Variants in EPHA6 observed in about 807,000 individuals in gnomAD.
The protein encoded by EPHA6 is ephrin type-A receptor 6.
In EPHA6, 50 loss-of-function variants were observed where a neutral mutation model predicts 112.0. That is an observed-to-expected ratio of 0.45 (90% confidence interval 0.36 to 0.56). The LOEUF (loss-of-function observed/expected upper bound fraction) is 0.56, where lower values mean the gene tolerates loss of function less well. Ranked by LOEUF, EPHA6 falls within the 20% of genes least tolerant of loss-of-function variation. EPHA6 has a pLI of 0.00. For missense variants in EPHA6, 1,280 were observed against 1,417.4 expected (o/e 0.90, Z 1.56); for synonymous variants, 529 against 490.7 (o/e 1.08, Z -1.03).
At chr3:97,375,701 A>G (rs529186000) in intron 5 of EPHA6, among the ~76,000 whole-genome samples, 109 of 152,304 alleles carry the variant, frequency 7.2e-4, no homozygotes, top group Non-Finnish European at 1.3e-3. Flanking sequence ...CTACAGATAT[A>G]ACATTAATGC....
At chr3:97,139,322 C>A (rs1455219408) in intron 3 of EPHA6, among the ~76,000 whole-genome samples, 1 of 152,200 alleles carries the variant, frequency 6.6e-6, no homozygotes, top group Non-Finnish European at 1.5e-5. Context: ...CCTGCACATA[C>A]CATTACAACT....
intron 2 of EPHA6, among the ~76,000 whole-genome samples, chr3:96,980,110 A>C (rs908768094): frequency 6.6e-6 from 1 of 152,102 alleles, no homozygotes; most frequent in Non-Finnish European, 1.5e-5. Flanking sequence ...GGTGTTTTAG[A>C]CATGAAGTCC....
At chr3:97,512,138 C>A (rs370927674) in intron 10 of EPHA6, among the ~76,000 whole-genome samples, 1 of 152,078 alleles carries the variant, frequency 6.6e-6, no homozygotes, top group Non-Finnish European at 1.5e-5. Context: ...GCTTTAACAT[C>A]AAAACAAACT....
chr3:97,007,435 T>TC (rs1490338239), intron 3 of EPHA6, among the ~76,000 whole-genome samples: 3 of 151,676 alleles, frequency 2.0e-5, no homozygotes, highest in Non-Finnish European at 2.9e-5. Flanking sequence ...TCCCTGCTTT[T>TC]TTTTTTTCTT....
At chr3:97,547,101 G>A (rs1219185107) in intron 11 of EPHA6, among the ~76,000 whole-genome samples, 1 of 152,150 alleles carries the variant, frequency 6.6e-6, no homozygotes, top group African/African-American at 2.4e-5. Flanking sequence ...TGTTCCATTG[G>A]TGGTGAGGAG....
chr3:97,292,707 C>T (rs1167796443), intron 5 of EPHA6, among the ~76,000 whole-genome samples: 1 of 150,884 alleles, frequency 6.6e-6, no homozygotes, highest in African/African-American at 2.4e-5. Context: ...AGAGGAGACC[C>T]GTGGTAGGTA....
intron 3 of EPHA6, among the ~76,000 whole-genome samples, chr3:97,169,460 T>C (rs538319388): frequency 5.9e-4 from 90 of 152,260 alleles, no homozygotes; most frequent in African/African-American, 2.1e-3. Context: ...CTTATCCTTC[T>C]CCCTTCCTGA....
intron 14 of EPHA6, among the ~76,000 whole-genome samples, chr3:97,639,954 T>C (rs1576164644): frequency 1.8e-5 from 1 of 54,158 alleles, no homozygotes; most frequent in Non-Finnish European, 4.4e-5. Context: ...ATAATCAAGT[T>C]TTTTTTTTTT....
chr3:96,942,276 C>G (rs2041004748), intron 2 of EPHA6, among the ~76,000 whole-genome samples: 1 of 152,170 alleles, frequency 6.6e-6, no homozygotes, highest in Admixed American at 6.5e-5. Flanking sequence ...GTTCCAGCTT[C>G]CCAGCTGCTT....
intron 4 of EPHA6, among the ~76,000 whole-genome samples, chr3:97,231,930 T>C (rs987816196): frequency 6.6e-6 from 1 of 152,108 alleles, no homozygotes; most frequent in African/African-American, 2.4e-5. Context: ...CTGGATGAAG[T>C]TCCCTTAAAC....
chr3:96,901,569 T>A (rs765225150), intron 2 of EPHA6, among the ~76,000 whole-genome samples: 3 of 151,946 alleles, frequency 2.0e-5, no homozygotes, highest in African/African-American at 4.8e-5. Flanking sequence ...ACAGATATGA[T>A]AAAAAATAAA....
rs1479457991 is a variant in EPHA6, at chr3:97,592,707, G to A, written c.2482G>A (p.Gly828Arg). ...SIQAPHPVPG[G>R]GSLPPRIPAG... ...CCAGGCCCCGCATCCAGTGCCAGGG[G>A]GAGGATCTTTGCCCCCCAGGATTCC... Residue 828 changes from glycine to arginine, a missense_variant, in exon 12 of 18, where the codon GGA (glycine) becomes AGA (arginine). Physicochemically the swap from Gly to Arg is moderately radical, Grantham distance 125 (BLOSUM62 -2). Around this residue, in one of 4 missense-constraint regions of EPHA6, gnomAD observed 878 missense variants for 999.7 expected, o/e 0.88. Coordinates refer to ENST00000389672, the MANE Select transcript of EPHA6 (RefSeq NM_001080448.3). 4.4e-6 allele frequency: 7 copies of A among 1,602,790 alleles called. No individual in the cohort carries two copies. Among genetic ancestry groups the A allele is most frequent in the Middle Eastern group, 3.4e-4 (2 of 5,970 alleles).
Position 97,244,373 on chromosome 3 carries a change from G to A in EPHA6, c.1606+86G>A, listed in dbSNP as rs779219554. The A allele has an allele frequency of 2.6e-6, 3 of 1,141,268 alleles. No individual in the cohort carries two copies. In the Admixed American group the frequency reaches 5.4e-5, roughly 21 times the overall value. The allele number at this position is 1,141,268 out of a possible 1,614,324, so 70.7% of individuals were successfully genotyped here. On this transcript the variant is annotated intron_variant, in intron 5 of 17. Transcript: ENST00000389672. ...CCTCATGGGCATGTATTTATTGCAG[G>A]TGCTATGCAGTCATATACGTTATAC...
At chr3:96,920,003 A>C (rs1474431393) in intron 2 of EPHA6, among the ~76,000 whole-genome samples, 2 of 152,070 alleles carry the variant, frequency 1.3e-5, no homozygotes, top group Non-Finnish European at 2.9e-5. Flanking sequence ...GACAAACAAC[A>C]GGCAAGTAAA....
At chr3:97,615,892 C>T (rs778029136) in intron 13 of EPHA6, among the ~76,000 whole-genome samples, 3 of 152,188 alleles carry the variant, frequency 2.0e-5, no homozygotes, top group Non-Finnish European at 4.4e-5. Context: ...TTAGTGGTTA[C>T]AGCTTCCGGG....
chr3:97,236,713 A>G lies in EPHA6; in HGVS notation c.1271-7239A>G, dbSNP rs543645606. 2.4e-4 allele frequency among the ~76,000 whole-genome samples: 37 copies of G among 152,254 alleles called. No individual in the cohort carries two copies. In the East Asian group the frequency reaches 7.0e-3, roughly 29 times the overall value. On this transcript the variant is annotated intron_variant, in intron 4 of 17. Coordinates refer to ENST00000389672, the MANE Select transcript of EPHA6 (RefSeq NM_001080448.3). ...ATACAGTGACAGTGATTGGGAAGAA[A>G]GCATAAAACTTGAATTTACATTTGC...
intron 2 of EPHA6, among the ~76,000 whole-genome samples, chr3:96,938,010 G>T (rs1204787912): frequency 1.3e-5 from 2 of 152,120 alleles, no homozygotes; most frequent in Non-Finnish European, 2.9e-5. Flanking sequence ...GGTTACTGTA[G>T]CCTTGTAGTA....
At chr3:97,608,123 C>T (rs1397673126) in intron 12 of EPHA6, among the ~76,000 whole-genome samples, 2 of 150,996 alleles carry the variant, frequency 1.3e-5, no homozygotes, top group East Asian at 1.9e-4. Context: ...CAATTAACAG[C>T]TGTTCTCAGT....
intron 14 of EPHA6, among the ~76,000 whole-genome samples, chr3:97,640,293 G>A (rs1423397982): frequency 6.6e-6 from 1 of 152,186 alleles, no homozygotes; most frequent in Non-Finnish European, 1.5e-5. Flanking sequence ...GCAAAAAAGT[G>A]AATGGGCCTA....
Sources: gnomAD v4.1 joint callset for allele counts (sites outside exome capture counted in the v4.1 genomes callset) on GRCh38, gnomAD v4.1.1 for gene constraint, gnomAD v4.1.1 regional missense constraint, MANE v1.5 for transcripts, NCBI Gene and HGNC (gene_info 2026-07-23, HGNC 2026-07-21) for gene names.